ABCC4: variants seen among roughly 807,000 people sequenced by gnomAD.
ABCC4 encodes the protein ATP binding cassette subfamily C member 4 (PEL blood group).
ABCC4 carries 102 observed loss-of-function variants against 168.5 expected under a neutral mutation model. The observed-to-expected ratio is 0.61, with a 90% CI of 0.52 to 0.71. The LOEUF is 0.71. ABCC4 is among the 30% of genes least tolerant of loss of function. The pLI, the probability that ABCC4 is intolerant of heterozygous loss-of-function variation, is 0.00. For missense variants in ABCC4, 1,402 were observed against 1,605.8 expected (o/e 0.87, Z 2.17); for synonymous variants, 617 against 590.7 (o/e 1.04, Z -0.65).
rs561567006 is a variant in ABCC4, at chr13:95,130,563, T to C, written c.2456-14562A>G. 2.6e-4 allele frequency among the ~76,000 whole-genome samples: 40 copies of C among 152,268 alleles called. 1 individual carries two copies. The South Asian group carries it at 7.9e-3, about 30-fold the overall frequency. On this transcript the variant is annotated intron_variant, in intron 19 of 30. Coordinates refer to ENST00000645237, the MANE Select transcript of ABCC4 (RefSeq NM_005845.5). Reference sequence around the variant, plus strand: ...CAAATTTTCCTGCAAATATAAGCAGTTTTACAGTCTATCAAAGTGGTGCCA... The same window carrying C: ...CAAATTTTCCTGCAAATATAAGCAGCTTTACAGTCTATCAAAGTGGTGCCA...
chr13:95,136,025 A>G (rs1294425671), intron 19 of ABCC4, among the ~76,000 whole-genome samples: 5 of 152,200 alleles, frequency 3.3e-5, no homozygotes, highest in Admixed American at 6.5e-5. Context: ...AGCAAAATTA[A>G]AACACAGTTT....
At chr13:95,270,834 G>A (rs1340724511) in intron 1 of ABCC4, among the ~76,000 whole-genome samples, 1 of 152,172 alleles carries the variant, frequency 6.6e-6, no homozygotes, top group African/African-American at 2.4e-5. Context: ...GGTGGCTCAC[G>A]CCTGTAATCC....
chr13:95,254,117 CA>C (rs2040336820), intron 1 of ABCC4, among the ~76,000 whole-genome samples: 1 of 152,148 alleles, frequency 6.6e-6, no homozygotes, highest in South Asian at 2.1e-4. Context: ...AGGCTGGTCT[CA>C]AACTCCTGGC....
At chr13:95,146,261 T>C (rs2036491672) in intron 19 of ABCC4, among the ~76,000 whole-genome samples, 2 of 151,488 alleles carry the variant, frequency 1.3e-5, no homozygotes, top group South Asian at 2.1e-4. Flanking sequence ...ACCTACTTTA[T>C]GGTAGGAGGA....
Position 95,247,648 on chromosome 13 carries a change from C to T in ABCC4, c.180G>A (p.Leu60=), listed in dbSNP as rs757686692. The change falls in exon 2 of 31, where the codon TTG becomes TTA. Residue 60 remains leucine (L), a synonymous_variant. Coordinates refer to ENST00000645237, the MANE Select transcript of ABCC4 (RefSeq NM_005845.5). The part of the protein sequence containing the change: ...EDRSQHLGEE[L]QGFWDKEVLR... Reference sequence around the variant, plus strand: ...CTTTACTGCCTCCGACTTACCCTTGCAACTCCTCTCCAAGGTGCTGTGAGC... The same window carrying T: ...CTTTACTGCCTCCGACTTACCCTTGTAACTCCTCTCCAAGGTGCTGTGAGC... The T allele has an allele frequency of 1.9e-6, 3 of 1,612,886 alleles. No homozygotes were observed. The African/African-American group carries it at 4.0e-5, about 22-fold the overall frequency.
intron 9 of ABCC4, among the ~76,000 whole-genome samples, chr13:95,193,317 C>A (rs904829382): frequency 6.6e-6 from 1 of 152,220 alleles, no homozygotes; most frequent in African/African-American, 2.4e-5. Flanking sequence ...CTGGTCACCA[C>A]CAGCACTGCC....
Position 95,115,040 on chromosome 13 carries a change from T to C in ABCC4, c.2535+882A>G, listed in dbSNP as rs377660776. On this transcript the variant is annotated intron_variant, in intron 20 of 30. Coordinates refer to ENST00000645237, the MANE Select transcript of ABCC4 (RefSeq NM_005845.5). ...AGCAGCTGAGATTTTGGAATATGTA[T>C]AGCTTTTAATAGATGCATTTCCAAA... 2.6e-3 allele frequency among the ~76,000 whole-genome samples: 401 copies of C among 152,210 alleles called. 3 individuals are homozygous for C. The highest frequency in any genetic ancestry group is 9.2e-3 in the African/African-American group (384 of 41,536).
rs368017938 is a variant in ABCC4 at position 95,188,473 on chromosome 13, C to T, written c.1333G>A (p.Gly445Ser). The change falls in exon 10 of 31, where the codon GGC becomes AGC. Residue 445 changes from glycine (G) to serine (S), a missense_variant. Gly to Ser is a moderately conservative substitution (Grantham distance 56). Around this residue, in one of 3 missense-constraint regions of ABCC4, gnomAD observed 1,007 missense variants for 1,127.3 expected, o/e 0.89. Transcript: ENST00000645237. Reference sequence around the variant, plus strand: ...CTCACCTTCCCTGCTCCCACGGGGCCGACCACAGCTAACAATTCGCCAGGT... The same window carrying T: ...CTCACCTTCCCTGCTCCCACGGGGCTGACCACAGCTAACAATTCGCCAGGT... ...VRPGELLAVV[G>S]PVGAGKSSLL... The T allele has an allele frequency of 2.4e-5, 38 of 1,614,090 alleles. No homozygotes were observed. The African/African-American group carries it at 3.7e-4, about 16-fold the overall frequency.
At chr13:95,142,395 A>G (rs900383646) in intron 19 of ABCC4, among the ~76,000 whole-genome samples, 2 of 152,182 alleles carry the variant, frequency 1.3e-5, no homozygotes, top group Admixed American at 6.5e-5. Context: ...ATGCAAAGGC[A>G]TAAGAATGAC....
Position 95,071,788 on chromosome 13 carries a change from C to A in ABCC4, c.3084G>T (p.Gln1028His). ...DLEKEAPWEY[Q>H]KRPPPAWPHE... is the part of the protein sequence containing the mutation. ...GGGGCCAGGCTGGTGGTGGGCGTTT[C>A]TGATATTCCCAAGGTGCTTCTTTTT... Residue 1028 changes from glutamine (Q) to histidine (H), a missense_variant, in exon 25 of 31, where the codon CAG (glutamine) becomes CAT (histidine). Coordinates refer to ENST00000645237, the MANE Select transcript of ABCC4 (RefSeq NM_005845.5). 6.2e-7 allele frequency: 1 copy of A among 1,607,064 alleles called. No homozygotes were observed. Among genetic ancestry groups the A allele is most frequent in the Non-Finnish European group, 8.5e-7 (1 of 1,177,080 alleles).
At chr13:95,030,651 C>A (rs2031837373) in intron 30 of ABCC4, among the ~76,000 whole-genome samples, 1 of 152,082 alleles carries the variant, frequency 6.6e-6, no homozygotes, top group Admixed American at 6.5e-5. Context: ...GAGAAAAGAC[C>A]CCGTGAACAG....
intron 15 of ABCC4, among the ~76,000 whole-genome samples, chr13:95,165,377 G>T: frequency 6.6e-6 from 1 of 152,164 alleles, no homozygotes; most frequent in East Asian, 1.9e-4. Context: ...GCATGTGAGG[G>T]CCTAATCTGA....
chr13:95,106,354 C>T (rs539499977), intron 20 of ABCC4, among the ~76,000 whole-genome samples: 16 of 146,532 alleles, frequency 1.1e-4, no homozygotes, highest in African/African-American at 3.5e-4. Flanking sequence ...TATATGTGCG[C>T]GTATATATAT....
intron 25 of ABCC4, among the ~76,000 whole-genome samples, chr13:95,070,287 G>A (rs1408620178): frequency 6.6e-6 from 1 of 152,140 alleles, no homozygotes; most frequent in Admixed American, 6.5e-5. Flanking sequence ...TAGTTTCAAA[G>A]AGGCAGAGAT....
At chr13:95,064,927 C>G (rs998811235) in intron 25 of ABCC4, among the ~76,000 whole-genome samples, 1 of 152,166 alleles carries the variant, frequency 6.6e-6, no homozygotes, top group African/African-American at 2.4e-5. Context: ...ATTCATAACA[C>G]GAAAGAGACA....
intron 30 of ABCC4, among the ~76,000 whole-genome samples, chr13:95,029,365 G>A (rs1030502733): frequency 1.5e-4 from 23 of 151,074 alleles, no homozygotes; most frequent in Non-Finnish European, 2.4e-4. Flanking sequence ...GTGAAAAACC[G>A]TAAAGAATAG....
intron 21 of ABCC4, among the ~76,000 whole-genome samples, chr13:95,076,423 T>A (rs1187482250): frequency 6.6e-6 from 1 of 152,168 alleles, no homozygotes; most frequent in Non-Finnish European, 1.5e-5. Flanking sequence ...TGACTTCTTT[T>A]TTCTTTGGGA....
At chr13:95,234,337 C>A (rs1236391604) in intron 4 of ABCC4, among the ~76,000 whole-genome samples, 2 of 152,164 alleles carry the variant, frequency 1.3e-5, no homozygotes, top group East Asian at 3.9e-4. Context: ...CATGCCCTGA[C>A]AGCAGTAGAA....
At chr13:95,238,195 GAA>G (rs10644641) in intron 3 of ABCC4, among the ~76,000 whole-genome samples, 14 of 65,872 alleles carry the variant, frequency 2.1e-4, no homozygotes, top group African/African-American at 4.8e-4. Context: ...CTCCATCTCA[GAA>G]AAAAAAAAAA....
Sources: allele counts gnomAD v4.1 joint callset (sites outside exome capture counted in the v4.1 genomes callset), GRCh38; gene constraint gnomAD v4.1.1; regional missense constraint gnomAD v4.1.1; transcripts MANE v1.5; gene names NCBI Gene and HGNC (gene_info 2026-07-23, HGNC 2026-07-21).